CALML4: variants seen among roughly 807,000 people sequenced by gnomAD.
CALML4 encodes calmodulin like 4, also known as calmodulin-like protein 4.
Under a neutral mutation model 17.9 loss-of-function variants are expected in CALML4, and 16 were observed. That is an observed-to-expected ratio of 0.89 (90% CI 0.61 to 1.36). CALML4 has a LOEUF of 1.36. Ranked by LOEUF, CALML4 falls within the 40% of genes most tolerant of loss-of-function variation. The pLI is 0.00. For synonymous variants in CALML4, 86 were observed against 71.5 expected (o/e 1.20, Z -1.02); for missense variants, 203 against 194.8 (o/e 1.04, Z -0.25).
intron 2 of CALML4, among the ~76,000 whole-genome samples, chr15:68,202,831 T>TTTTA (rs1340649138): frequency 6.9e-6 from 1 of 145,784 alleles, no homozygotes. Context: ...TTTTTTTTTT[T>TTTTA]GAGACAGAGT....
At chr15:68,196,815 C>T (rs1002078294) in intron 4 of CALML4, among the ~76,000 whole-genome samples, 8 of 152,216 alleles carry the variant, frequency 5.3e-5, no homozygotes, top group African/African-American at 1.9e-4. Flanking sequence ...AGACCCCTTT[C>T]TCGTGGGGCT....
rs1213639921 is a variant in CALML4, at chr15:68,205,327, A to G, written c.-80T>C. On this transcript the variant is annotated 5_prime_UTR_variant, in exon 1 of 5. Transcript: ENST00000467889. The surrounding 1 kb of genome is among the most constrained non-coding windows in gnomAD (Gnocchi z 4.8). The stretch of plus-strand genomic sequence containing the variant: ...TCCCTTTCCTCCAGCCTCAAGTCTA[A>G]AGTCTGCCAAGCTGGGTGGAGGCCC... 1.2e-6 allele frequency: 2 copies of G among 1,614,052 alleles called. No individual in the cohort carries two copies. The highest frequency in any genetic ancestry group is 1.7e-6 in the Non-Finnish European group (2 of 1,180,012).
chr15:68,195,315 G>T (rs910664155), intron 4 of CALML4, among the ~76,000 whole-genome samples: 8 of 152,122 alleles, frequency 5.3e-5, no homozygotes, highest in Non-Finnish European at 1.0e-4. Context: ...TATCCTTCTC[G>T]AAAGTATAAT....
At position 68,192,690 on chromosome 15, in the gene CALML4, GC is replaced by G. The variant is rs2093126057; in HGVS notation, c.*1324del. ...CCCTGCAGTTTTCCCTGTGCCCGGT[GC>G]CTAGTGAAAGATTTGTGTCTTGTAC... On this transcript the variant is annotated 3_prime_UTR_variant, in exon 5 of 5. Transcript: ENST00000467889. 1 of 152,210 alleles carries G rather than the reference GC, an allele frequency of 6.6e-6. No individual in the cohort carries two copies. Among genetic ancestry groups the G allele is most frequent in the Non-Finnish European group, 1.5e-5 (1 of 68,088 alleles). The allele number at this position is 152,210 out of a possible 1,614,324, so 9.4% of individuals were successfully genotyped here.
chr15:68,205,872 C>A, upstream of CALML4: 1 of 171,308 alleles, frequency 5.8e-6, no homozygotes, highest in South Asian at 1.3e-4. The surrounding 1 kb of genome is among the most constrained non-coding windows in gnomAD (Gnocchi z 4.8). Context: ...AGTTTCCTCA[C>A]CAGCTGAATT....
chr15:68,197,466 A>AGACTG lies in CALML4; in HGVS notation c.337_338insCAGTC (p.Leu113ProfsTer27). ...TTCCTTGTGGGTGAGCTTCTCCCCC[A>AGACTG]GACTCGTGAGTTTTGACCGCAGGTC... is the stretch of plus-strand genomic sequence containing the variant. On this transcript the variant is annotated frameshift_variant, in exon 4 of 5. Coordinates refer to ENST00000467889, the MANE Select transcript of CALML4 (RefSeq NM_033429.3). LOFTEE classifies it high-confidence loss of function. The surrounding 1 kb of genome is among the most constrained non-coding windows in gnomAD (Gnocchi z 4.1). 6.2e-7 allele frequency: 1 copy of AGACTG among 1,614,078 alleles called. No individual in the cohort carries two copies. The highest frequency in any genetic ancestry group is 2.2e-5 in the East Asian group (1 of 44,850).
rs2093148057 is a variant in CALML4, at chr15:68,197,227, C to T, written c.364+213G>A. Among the ~76,000 whole-genome samples, 1 of 152,146 alleles carries T rather than the reference C, an allele frequency of 6.6e-6. No homozygotes were observed. The highest frequency in any genetic ancestry group is 2.4e-5 in the African/African-American group (1 of 41,438). On this transcript the variant is annotated intron_variant, in intron 4 of 4. Transcript: ENST00000467889. This position sits in a 1 kb window ranked among gnomAD's most constrained non-coding sequence, Gnocchi z 4.1. Reference sequence around the variant, plus strand: ...GGTTTCCCCTAGGCTGTCCCTTCACCCTGGCAGACCTCCCTGCGCCCTTCC... The same window carrying T: ...GGTTTCCCCTAGGCTGTCCCTTCACTCTGGCAGACCTCCCTGCGCCCTTCC...
rs2093174562 is a variant in CALML4 at position 68,204,204 on chromosome 15, C to T, written c.34+917G>A. 6.6e-6 allele frequency among the ~76,000 whole-genome samples: 1 copy of T among 152,216 alleles called. No individual in the cohort carries two copies. The highest frequency in any genetic ancestry group is 2.1e-4 in the South Asian group (1 of 4,830). ...CAGAATACCCAGAACTCTGGAACTC[C>T]TGCCCAGGTAACCCTAACCCCACTT... On this transcript the variant is annotated intron_variant, in intron 2 of 4. Transcript: ENST00000467889. This position sits in a 1 kb window ranked among gnomAD's most constrained non-coding sequence, Gnocchi z 6.0.
At position 68,205,215 on chromosome 15, in the gene CALML4, G is replaced by A. The variant is rs778483194; in HGVS notation, c.3+30C>T. 10 of 1,614,162 alleles carry A rather than the reference G, an allele frequency of 6.2e-6. No individual in the cohort carries two copies. The Middle Eastern group carries it at 8.2e-4, about 133-fold the overall frequency. On this transcript the variant is annotated intron_variant, in intron 1 of 4. Coordinates refer to ENST00000467889, the MANE Select transcript of CALML4 (RefSeq NM_033429.3). This position sits in a 1 kb window ranked among gnomAD's most constrained non-coding sequence, Gnocchi z 4.8. Reference sequence around the variant, plus strand: ...ACCTGAGGTTCACGCCCCCAGCCCTGGCCAGGCCGACACAGACCCTCACAC... The same window carrying A: ...ACCTGAGGTTCACGCCCCCAGCCCTAGCCAGGCCGACACAGACCCTCACAC...
Position 68,193,204 on chromosome 15 carries a change from C to T in CALML4, c.*811G>A, listed in dbSNP as rs532345275. On this transcript the variant is annotated 3_prime_UTR_variant, in exon 5 of 5. Transcript: ENST00000467889. ...TGTTAACAGAGCCCAGGGAACAGCT[C>T]GGAATTCTCACAGCATTGGAAGCCC... 2.4e-4 allele frequency: 36 copies of T among 152,384 alleles called. No individual in the cohort carries two copies. Among genetic ancestry groups the T allele is most frequent in the South Asian group, 1.0e-3 (5 of 4,832 alleles). The allele number at this position is 152,384 out of a possible 1,614,324, so 9.4% of individuals were successfully genotyped here. A position where few individuals can be genotyped will look rare whatever the true frequency, so the allele number is the denominator to read the frequency against.
chr15:68,194,028 C>G lies in CALML4; in HGVS notation c.449G>C (p.Gly150Ala), dbSNP rs1239942446. 6.2e-7 allele frequency: 1 copy of G among 1,613,618 alleles called. No individual in the cohort carries two copies. Among genetic ancestry groups the G allele is most frequent in the South Asian group, 1.1e-5 (1 of 91,074 alleles). ...CATTCTCCTCCTTCAATAGTCCCGT[C>G]CAGGAAGGGTGATCTTGTGGATAAA... Reference protein sequence around the residue: ...DEFIHKITLPGRDY With the variant: ...DEFIHKITLPARDY The change falls in exon 5 of 5, where the codon GGA becomes GCA. Residue 150 changes from glycine to alanine, a missense_variant. Transcript: ENST00000467889.
Position 68,193,762 on chromosome 15 carries a change from C to T in CALML4, c.*253G>A, listed in dbSNP as rs559149695. 3 of 382,638 alleles carry T rather than the reference C, an allele frequency of 7.8e-6. No individual in the cohort carries two copies. Among genetic ancestry groups the T allele is most frequent in the Non-Finnish European group, 1.4e-5 (3 of 209,574 alleles). The allele number at this position is 382,638 out of a possible 1,614,324, so 23.7% of individuals were successfully genotyped here. A position where few individuals can be genotyped will look rare whatever the true frequency, so the allele number is the denominator to read the frequency against. On this transcript the variant is annotated 3_prime_UTR_variant, in exon 5 of 5. Transcript: ENST00000467889. ...GGAACCCAGGCCAGACTCCAAACCG[C>T]AGGCTCCTTCCATGCTTGAAAGGGC...
At chr15:68,194,251 A>C (rs1348849223) in intron 4 of CALML4, 139 bp from the exon 5 acceptor site, 2 of 633,828 alleles carry the variant, frequency 3.2e-6, no homozygotes, top group Non-Finnish European at 5.6e-6. Context: ...GAAGTAAACC[A>C]GTGAACAGAA....
At position 68,191,096 on chromosome 15, in the gene CALML4, TTC is replaced by T. The variant is rs2093117602; in HGVS notation, c.*2917_*2918del. On this transcript the variant is annotated 3_prime_UTR_variant, in exon 5 of 5. Coordinates refer to ENST00000467889, the MANE Select transcript of CALML4 (RefSeq NM_033429.3). ...TTTTGTTTTATCAATAGATGTTGAA[TTC>T]TGTTTTTTAATTAAATACAAAGCTT... is the stretch of plus-strand genomic sequence containing the variant. 3 of 152,642 alleles carry T rather than the reference TTC, an allele frequency of 2.0e-5. No homozygotes were observed. The highest frequency in any genetic ancestry group is 7.2e-5 in the African/African-American group (3 of 41,452). The allele number at this position is 152,642 out of a possible 1,614,324, so 9.5% of individuals were successfully genotyped here.
Position 68,197,875 on chromosome 15 carries a change from G to C in CALML4, c.176-247C>G. On this transcript the variant is annotated intron_variant, in intron 3 of 4. Transcript: ENST00000467889. The surrounding 1 kb of genome is among the most constrained non-coding windows in gnomAD (Gnocchi z 4.1). ...TGACGATGCTTATCATCACCCCAAA[G>C]CTCAAGAAAGTGGGTTCCCAACCAC... The C allele has an allele frequency of 2.1e-6, 1 of 467,324 alleles. No individual in the cohort carries two copies. Among genetic ancestry groups the C allele is most frequent in the Non-Finnish European group, 3.9e-6 (1 of 258,970 alleles). The allele number at this position is 467,324 out of a possible 1,614,324, so 28.9% of individuals were successfully genotyped here. A position where few individuals can be genotyped will look rare whatever the true frequency, so the allele number is the denominator to read the frequency against.
At chr15:68,199,843 C>T (rs2093159526) in intron 2 of CALML4, 162 bp from the exon 3 acceptor site, 2 of 651,710 alleles carry the variant, frequency 3.1e-6, no homozygotes, top group South Asian at 5.7e-5. Flanking sequence ...AATGAAAATA[C>T]AGGACTGCCA....
rs1333798338 is a variant in CALML4, at chr15:68,194,085, A to G, written c.392T>C (p.Ile131Thr). ...EVDDLFREADIEPNGKVKYDE... is the reference protein window; with the variant it reads ...EVDDLFREADTEPNGKVKYDE... ...ATACTTCACTTTGCCATTGGGTTCGATATCTGCTTCCCTGAAGAGATCATC... is the reference window on the plus strand; with the variant it reads ...ATACTTCACTTTGCCATTGGGTTCGGTATCTGCTTCCCTGAAGAGATCATC... The change falls in exon 5 of 5, where the codon ATC becomes ACC. Residue 131 changes from isoleucine (I) to threonine (T), a missense_variant. Physicochemically the swap from Ile to Thr is moderately conservative, Grantham distance 89. Transcript: ENST00000467889. 2 of 1,613,898 alleles carry G rather than the reference A, an allele frequency of 1.2e-6. No individual in the cohort carries two copies. Among genetic ancestry groups the G allele is most frequent in the Admixed American group, 1.7e-5 (1 of 60,020 alleles).
chr15:68,201,732 G>A (rs571332002), intron 2 of CALML4, among the ~76,000 whole-genome samples: 11 of 152,304 alleles, frequency 7.2e-5, no homozygotes, highest in African/African-American at 4.8e-5. Flanking sequence ...CATCAGATAC[G>A]TGCTGTCTCC....
intron 4 of CALML4, among the ~76,000 whole-genome samples, chr15:68,195,546 C>G (rs1241639326): frequency 6.6e-6 from 1 of 152,140 alleles, no homozygotes; most frequent in Non-Finnish European, 1.5e-5. Flanking sequence ...TCTGAGGACA[C>G]CTGAGTAGAA....
Sources: gnomAD v4.1 joint callset for allele counts (sites outside exome capture counted in the v4.1 genomes callset) on GRCh38, gnomAD v4.1.1 for gene constraint, Gnocchi (gnomAD v3.1) non-coding constraint, MANE v1.5 for transcripts, NCBI Gene and HGNC (gene_info 2026-07-23, HGNC 2026-07-21) for gene names.